ZNF671: variants seen among roughly 807,000 people sequenced by gnomAD.
The protein encoded by ZNF671 is hypothetical protein FLJ23506.
A neutral mutation model predicts 16.6 loss-of-function variants in ZNF671; 19 were observed. The observed-to-expected ratio is 1.14, with a 90% confidence interval of 0.80 to 1.68. The LOEUF (loss-of-function observed/expected upper bound fraction) is 1.68. Among genes scored for constraint, ZNF671 ranks in the 40% most tolerant of loss-of-function variants. The probability of loss-of-function intolerance (pLI) is 0.00; values close to 1 mark genes in which losing one functional copy is unlikely to be tolerated. For synonymous variants in ZNF671, 238 were observed against 236.3 expected, an observed-to-expected ratio of 1.01 and a Z score of -0.06; for missense variants, 637 against 659.8, an observed-to-expected ratio of 0.97 and a Z score of 0.38.
chr19:57,726,506 G>A (rs976269432), intron 1 of ZNF671, among the ~76,000 whole-genome samples: 15 of 151,662 alleles, frequency 9.9e-5, no homozygotes, highest in Non-Finnish European at 1.9e-4. Context: ...CTTCTGGGGG[G>A]AGTCTCAAGA....
At chr19:57,724,777 G>A (rs757276809) in intron 1 of ZNF671, among the ~76,000 whole-genome samples, 8 of 151,980 alleles carry the variant, frequency 5.3e-5, no homozygotes, top group Admixed American at 1.3e-4. Flanking sequence ...CACCCGCCTC[G>A]GCCTCCCAAA....
Position 57,721,434 on chromosome 19 carries a change from T to A in ZNF671, c.652A>T (p.Lys218Ter), listed in dbSNP as rs192278149. ...CTGCCCTCCTTCCTTGGGAAAAGTT[T>A]CCCTCCATTGGGCTGGTTCTGGTGC... ...DQHQNQPNGG[K>*]LFPRKEGRDS... Residue 218 changes from lysine to a stop codon, truncating the protein, a stop_gained, in exon 4 of 4, where the codon AAA (lysine) becomes TAA (stop). Coordinates refer to ENST00000317398, the MANE Select transcript of ZNF671 (RefSeq NM_024833.3). LOFTEE classifies it low-confidence loss of function (END_TRUNC). The A allele has an allele frequency of 6.2e-7, 1 of 1,614,102 alleles. No homozygotes were observed. Among genetic ancestry groups the A allele is most frequent in the African/African-American group, 1.3e-5 (1 of 74,930 alleles).
chr19:57,725,917 G>A (rs993732031), intron 1 of ZNF671, among the ~76,000 whole-genome samples: 3 of 151,864 alleles, frequency 2.0e-5, no homozygotes, highest in Non-Finnish European at 4.4e-5. Context: ...CTGGGTGACA[G>A]AGCGAGACTC....
rs1381095557 is a variant in ZNF671 at position 57,722,362 on chromosome 19, A to T, written c.342T>A (p.Asp114Glu). The part of the protein sequence containing the change: ...GEEPWVYDQV[D>E]MTSATEREAQ... ...CCTCTCTTTCTGTGGCTGAAGTCAT[A>T]TCCACCTGGTCATACACCCAGGGCT... The change falls in exon 3 of 4, where the codon GAT becomes GAA. Residue 114 changes from aspartate to glutamate, a missense_variant. Transcript: ENST00000317398. 1.9e-6 allele frequency: 3 copies of T among 1,614,106 alleles called. No homozygotes were observed. In the East Asian group the frequency reaches 6.7e-5, roughly 36 times the overall value.
At chr19:57,724,713 G>C (rs1170345517) in intron 1 of ZNF671, among the ~76,000 whole-genome samples, 6 of 151,936 alleles carry the variant, frequency 3.9e-5, no homozygotes, top group African/African-American at 1.5e-4. Context: ...TTTCAGTAGA[G>C]ACAAGGTTTC....
chr19:57,727,379 C>G lies in ZNF671; in HGVS notation c.138+12G>C. On this transcript the variant is annotated intron_variant, in intron 1 of 3. Transcript: ENST00000317398. ...AAAGGGTGACTGAGGGCCCGGAGGA[C>G]GCAGCACCCACCCGCGCGGAGTCCG... is the stretch of plus-strand genomic sequence containing the variant. 2 of 1,590,978 alleles carry G rather than the reference C, an allele frequency of 1.3e-6. No homozygotes were observed. The highest frequency in any genetic ancestry group is 1.3e-5 in the African/African-American group (1 of 74,446).
rs547399904 is a variant in ZNF671, at chr19:57,722,195, A to G, written c.388+121T>C. ...GATATATCTTCGTGTCAAGAACAGG[A>G]AAGGACAGATAGAAACGCTGTGTGG... On this transcript the variant is annotated intron_variant, in intron 3 of 3. Transcript: ENST00000317398. 4.0e-5 allele frequency: 59 copies of G among 1,463,954 alleles called. No individual in the cohort carries two copies. The South Asian group carries it at 7.3e-4, about 18-fold the overall frequency. The allele number at this position is 1,463,954 out of a possible 1,614,324, so 90.7% of individuals were successfully genotyped here.
intron 1 of ZNF671, among the ~76,000 whole-genome samples, chr19:57,726,446 C>G (rs1986052488): frequency 6.6e-6 from 1 of 152,108 alleles, no homozygotes; most frequent in African/African-American, 2.4e-5. Context: ...CTACAGCTCT[C>G]TCCTCCTGCA....
At chr19:57,723,868 A>T (rs1985959916) in intron 1 of ZNF671, among the ~76,000 whole-genome samples, 1 of 21,608 alleles carries the variant, frequency 4.6e-5, no homozygotes, top group South Asian at 6.2e-4. Flanking sequence ...GTCTCTACTA[A>T]AAAAAAAAAA....
rs745762103 is a variant in ZNF671 at position 57,720,506 on chromosome 19, C to T, written c.1580G>A (p.Arg527Lys). The change falls in exon 4 of 4, where the codon AGG (arginine) becomes AAG (lysine). Residue 527 changes from arginine to lysine, a missense_variant. Physicochemically the swap from Arg to Lys is conservative, Grantham distance 26. Coordinates refer to ENST00000317398, the MANE Select transcript of ZNF671 (RefSeq NM_024833.3). Reference sequence around the variant, plus strand: ...TTAAAGCTTTTCTCCAGCATGAACCCTCTGGTGCAGAACAAGTGTCTGTTT... The same window carrying T: ...TTAAAGCTTTTCTCCAGCATGAACCTTCTGGTGCAGAACAAGTGTCTGTTT... The part of the protein sequence containing the change: ...IRKQTLVLHQ[R>K]VHAGEKL 8 of 1,613,842 alleles carry T rather than the reference C, an allele frequency of 5.0e-6. No homozygotes were observed. The highest frequency in any genetic ancestry group is 2.5e-6 in the Non-Finnish European group (3 of 1,179,832).
Position 57,721,248 on chromosome 19 carries a change from T to C in ZNF671, c.838A>G (p.Met280Val). The change falls in exon 4 of 4, where the codon ATG becomes GTG. Residue 280 changes from methionine to valine, a missense_variant. Coordinates refer to ENST00000317398, the MANE Select transcript of ZNF671 (RefSeq NM_024833.3). Reference sequence around the variant, plus strand: ...CCACACCTGTGATACCTCTGTCCCATGAGAAAGCCACTCACAAGCTTAGTG... The same window carrying C: ...CCACACCTGTGATACCTCTGTCCCACGAGAAAGCCACTCACAAGCTTAGTG... ...KSTKLVSGFL[M>V]GQRYHRCGEC... The C allele has an allele frequency of 6.3e-7, 1 of 1,594,292 alleles. No individual in the cohort carries two copies. The highest frequency in any genetic ancestry group is 2.2e-5 in the East Asian group (1 of 44,636).
intron 1 of ZNF671, among the ~76,000 whole-genome samples, chr19:57,725,609 CAA>C (rs1951919169): frequency 1.3e-5 from 2 of 150,906 alleles, no homozygotes; most frequent in Admixed American, 1.3e-4. Flanking sequence ...GCCTGGGTGA[CAA>C]GAGCAAGACT....
Position 57,721,311 on chromosome 19 carries a change from G to A in ZNF671, c.775C>T (p.His259Tyr). 1 of 1,600,164 alleles carries A rather than the reference G, an allele frequency of 6.2e-7. No homozygotes were observed. Among genetic ancestry groups the A allele is most frequent in the Non-Finnish European group, 8.5e-7 (1 of 1,171,440 alleles). Residue 259 changes from histidine (H) to tyrosine (Y), a missense_variant, in exon 4 of 4, where the codon CAT becomes TAT. By Grantham distance (83) the His-to-Tyr change is moderately conservative. Transcript: ENST00000317398. Reference protein sequence around the residue: ...DFSATSGLLQHQASLSSMKPH... With the variant: ...DFSATSGLLQYQASLSSMKPH... ...TTCATGCTGCTGAGAGAGGCCTGAT[G>A]CTGAAGAAGGCCAGATGTGGCTGAA...
intron 1 of ZNF671, among the ~76,000 whole-genome samples, chr19:57,723,952 G>A (rs1304315923): frequency 6.6e-6 from 1 of 151,480 alleles, no homozygotes; most frequent in African/African-American, 2.4e-5. Flanking sequence ...GCTGAGGAAG[G>A]AGAACTGCTT....
chr19:57,721,170 T>A lies in ZNF671; in HGVS notation c.916A>T (p.Ile306Phe), dbSNP rs199555398. 1 of 1,613,824 alleles carries A rather than the reference T, an allele frequency of 6.2e-7. No homozygotes were observed. The highest frequency in any genetic ancestry group is 1.3e-5 in the African/African-American group (1 of 75,052). The stretch of plus-strand genomic sequence containing the variant: ...TCATAAGGCCTTTCTCCAGTGTGGA[T>A]TCTCTGATGCCGAGCAAGTGTGTCT... ...RKDTLARHQR[I>F]HTGERPYECN... Residue 306 changes from isoleucine to phenylalanine, a missense_variant, in exon 4 of 4, where the codon ATC becomes TTC. Ile to Phe is a conservative substitution (Grantham distance 21, BLOSUM62 0). Transcript: ENST00000317398.
intron 1 of ZNF671, among the ~76,000 whole-genome samples, chr19:57,724,033 A>T (rs1230566576): frequency 8.6e-6 from 1 of 115,860 alleles, no homozygotes; most frequent in Non-Finnish European, 1.7e-5. Flanking sequence ...ACAGAGTGAG[A>T]CTCCATCTCA....
chr19:57,724,673 C>A (rs1008273892), intron 1 of ZNF671, among the ~76,000 whole-genome samples: 1 of 152,086 alleles, frequency 6.6e-6, no homozygotes, highest in African/African-American at 2.4e-5. Context: ...CTACAGGCGC[C>A]CACCACCATG....
Position 57,721,127 on chromosome 19 carries a change from T to C in ZNF671, c.959A>G (p.Lys320Arg), listed in dbSNP as rs777985605. Residue 320 changes from lysine (K) to arginine (R), a missense_variant, in exon 4 of 4, where the codon AAA becomes AGA. Coordinates refer to ENST00000317398, the MANE Select transcript of ZNF671 (RefSeq NM_024833.3). ...GAGGTCATAGCTTTGGCTGAAGAAT[T>C]TCCCACATTCGTTACACTCATAAGG... ...ERPYECNECG[K>R]FFSQSYDLFK... 1.9e-6 allele frequency: 3 copies of C among 1,613,964 alleles called. No homozygotes were observed. The highest frequency in any genetic ancestry group is 2.5e-6 in the Non-Finnish European group (3 of 1,180,016).
chr19:57,723,131 G>A (rs1332753770), intron 2 of ZNF671, 83 bp downstream of exon 2: 2 of 1,513,036 alleles, frequency 1.3e-6, no homozygotes, highest in Middle Eastern at 1.8e-4. Flanking sequence ...ACCTACTCCA[G>A]GAAACTGGTG....
Sources: allele counts gnomAD v4.1 joint callset (sites outside exome capture counted in the v4.1 genomes callset), GRCh38; gene constraint gnomAD v4.1.1; transcripts MANE v1.5; gene names NCBI Gene and HGNC (gene_info 2026-07-23, HGNC 2026-07-21).